The following MPHOSPH9 variants were observed in gnomAD, a reference collection of about 807,000 sequenced individuals.
MPHOSPH9 encodes M-phase phosphoprotein 9.
A neutral mutation model predicts 145.5 loss-of-function variants in MPHOSPH9; 88 were observed. The observed-to-expected ratio is 0.60, with a 90% CI of 0.51 to 0.72. The LOEUF (loss-of-function observed/expected upper bound fraction) is 0.72, where lower values mean the gene tolerates loss of function less well. MPHOSPH9 is among the 30% of genes least tolerant of loss of function. The pLI is 0.00. For synonymous variants in MPHOSPH9, 435 were observed against 486.2 expected (o/e 0.89, Z 1.39); for missense variants, 1,238 against 1,386.6 (o/e 0.89, Z 1.70).
upstream of MPHOSPH9, among the ~76,000 whole-genome samples, chr12:123,236,212 A>G (rs961913366): frequency 2.0e-5 from 3 of 152,236 alleles, no homozygotes; most frequent in African/African-American, 7.2e-5. Flanking sequence ...TGAAAACCTA[A>G]TGGTTTCCAA....
chr12:123,169,202 G>T (rs2044467006), intron 16 of MPHOSPH9, among the ~76,000 whole-genome samples: 1 of 148,482 alleles, frequency 6.7e-6, no homozygotes, highest in African/African-American at 2.5e-5. Flanking sequence ...TTTAAATTAA[G>T]AACTATTTCA....
intron 1 of MPHOSPH9, among the ~76,000 whole-genome samples, chr12:123,243,410 G>A (rs2047977098): frequency 6.6e-6 from 1 of 152,052 alleles, no homozygotes; most frequent in Non-Finnish European, 1.5e-5. Flanking sequence ...GATGCCTGTA[G>A]TCCCAGCTAC....
intron 15 of MPHOSPH9, 70 bp downstream of exon 15, chr12:123,179,853 CTCA>C: frequency 1.3e-6 from 1 of 771,930 alleles, no homozygotes; most frequent in Non-Finnish European, 2.0e-6. Flanking sequence ...AAACTTCCTT[CTCA>C]TCATGTTCAA....
At position 123,233,091 on chromosome 12, in the gene MPHOSPH9, C is replaced by A. The variant is rs1048470973; in HGVS notation, c.-175G>T. ...GCCGCTTACCTGGCCGCCGCTCCCG[C>A]TGCCGATGTCAGGGTCATGCAAGCG... is the stretch of plus-strand genomic sequence containing the variant. On this transcript the variant is annotated 5_prime_UTR_variant, in exon 1 of 24. Transcript: ENST00000606320. 1 of 152,326 alleles carries A rather than the reference C, an allele frequency of 6.6e-6. No homozygotes were observed. Among genetic ancestry groups the A allele is most frequent in the Non-Finnish European group, 1.5e-5 (1 of 68,120 alleles). The allele number at this position is 152,326 out of a possible 1,614,324, so 9.4% of individuals were successfully genotyped here.
intron 2 of MPHOSPH9, 121 bp downstream of exon 2, chr12:123,230,140 G>A: frequency 1.6e-6 from 1 of 639,034 alleles, no homozygotes; most frequent in Non-Finnish European, 2.6e-6. Flanking sequence ...CATTCTTGAT[G>A]ATAGGTTAAA....
downstream of MPHOSPH9, chr12:123,152,443 C>A: frequency 2.6e-6 from 1 of 384,954 alleles, no homozygotes. Context: ...ACAACTGCAG[C>A]AAGCACTTGT....
chr12:123,158,163 T>A (rs2043951496), intron 23 of MPHOSPH9, among the ~76,000 whole-genome samples: 1 of 152,082 alleles, frequency 6.6e-6, no homozygotes, highest in African/African-American at 2.4e-5. Flanking sequence ...CTCATTTTCA[T>A]ATTTTTAGTA....
At chr12:123,182,261 G>GT (rs532750226) in intron 13 of MPHOSPH9, among the ~76,000 whole-genome samples, 13,628 of 61,678 alleles carry the variant, frequency 0.22, 843 homozygotes, top group East Asian at 0.55. Context: ...TTTTTTTTTT[G>GT]TTTTTTTTTT....
chr12:123,156,856 C>G lies in MPHOSPH9; in HGVS notation c.3503G>C (p.Arg1168Pro), dbSNP rs758488639. The change falls in exon 24 of 24, where the codon CGC (arginine) becomes CCC (proline). Residue 1168 changes from arginine (R) to proline (P), a missense_variant. This residue lies in a region of MPHOSPH9 where 393 missense variants were observed against 462.5 expected (regional missense o/e 0.85). Coordinates refer to ENST00000606320, the MANE Select transcript of MPHOSPH9 (RefSeq NM_022782.4). The part of the protein sequence containing the change: ...ERINRELGSV[R>P]MTLKKFHVLR... The stretch of plus-strand genomic sequence containing the variant: ...AACATGGAATTTCTTTAGCGTCATG[C>G]GAACTGAACCCAGTTCTCGATTAAT... The G allele has an allele frequency of 6.2e-7, 1 of 1,611,732 alleles. No homozygotes were observed. The highest frequency in any genetic ancestry group is 1.3e-5 in the African/African-American group (1 of 74,880).
At chr12:123,179,862 T>C (rs1754993079) in intron 15 of MPHOSPH9, 64 bp downstream of exon 15, 15 of 881,918 alleles carry the variant, frequency 1.7e-5, no homozygotes, top group Non-Finnish European at 2.4e-5. Context: ...TCTCATCATG[T>C]TCAATACAGA....
chr12:123,241,773 A>T (rs1054856871), intron 1 of MPHOSPH9, among the ~76,000 whole-genome samples: 5 of 152,232 alleles, frequency 3.3e-5, no homozygotes, highest in African/African-American at 1.2e-4. Context: ...CTCCGGCCAC[A>T]GGCCTTGTTG....
At chr12:123,176,812 A>G (rs376242873) in intron 15 of MPHOSPH9, 23 bp from the exon 16 acceptor site, 1 of 1,542,032 alleles carries the variant, frequency 6.5e-7, no homozygotes, top group Non-Finnish European at 9.0e-7. Flanking sequence ...CAATAAAGAT[A>G]AATTAAGTAC....
At chr12:123,237,084 A>G (rs899501334), upstream of MPHOSPH9, among the ~76,000 whole-genome samples, 2 of 147,760 alleles carry the variant, frequency 1.4e-5, no homozygotes, top group African/African-American at 4.9e-5. Flanking sequence ...GACTCCGGCT[A>G]AAAAAAAAAA....
In MPHOSPH9 at chr12:123,159,196, G is replaced by A. The variant is rs1013887974; in HGVS notation, c.3450+1585C>T. On this transcript the variant is annotated intron_variant, in intron 23 of 23. Coordinates refer to ENST00000606320, the MANE Select transcript of MPHOSPH9 (RefSeq NM_022782.4). This position sits in a 1 kb window ranked among gnomAD's most constrained non-coding sequence, Gnocchi z 4.3. ...TATTCTTTTTCAGAGACGGAGTCTT[G>A]CTCTGTCACCCAGGCCGAGTGCAGT... is the stretch of plus-strand genomic sequence containing the variant. 3.3e-5 allele frequency among the ~76,000 whole-genome samples: 5 copies of A among 152,030 alleles called. No individual in the cohort carries two copies. Among genetic ancestry groups the A allele is most frequent in the Non-Finnish European group, 7.4e-5 (5 of 68,012 alleles).
intron 13 of MPHOSPH9, among the ~76,000 whole-genome samples, chr12:123,182,263 T>TC (rs778501602): frequency 0.39 from 31,939 of 81,526 alleles, 4,790 homozygotes; most frequent in Non-Finnish European, 0.52. Context: ...TTTTTTTTGT[T>TC]TTTTTTTTTT....
chr12:123,182,683 G>A (rs1411546587), intron 13 of MPHOSPH9, among the ~76,000 whole-genome samples: 34 of 148,606 alleles, frequency 2.3e-4, no homozygotes, highest in Middle Eastern at 3.8e-3. Context: ...AGGCCAAGGT[G>A]GGTGGATCAC....
At chr12:123,205,284 G>A (rs553320689) in intron 8 of MPHOSPH9, among the ~76,000 whole-genome samples, 11 of 152,248 alleles carry the variant, frequency 7.2e-5, no homozygotes, top group Admixed American at 2.0e-4. Flanking sequence ...GGTGGCTCAC[G>A]CCTGTAATCC....
chr12:123,218,212 A>AT, intron 6 of MPHOSPH9, among the ~76,000 whole-genome samples, 164 bp downstream of exon 6: 1 of 152,072 alleles, frequency 6.6e-6, no homozygotes, highest in Non-Finnish European at 1.5e-5. Context: ...AGTCTGGGCC[A>AT]TAAGAGCGAA....
chr12:123,177,541 A>C (rs966496859), intron 15 of MPHOSPH9, among the ~76,000 whole-genome samples: 3 of 151,914 alleles, frequency 2.0e-5, no homozygotes, highest in Non-Finnish European at 4.4e-5. Flanking sequence ...GTCTCAAAAA[A>C]AAAATAAAAG....
Sources: allele counts gnomAD v4.1 joint callset (sites outside exome capture counted in the v4.1 genomes callset), GRCh38; gene constraint gnomAD v4.1.1; regional missense constraint gnomAD v4.1.1; non-coding constraint Gnocchi (gnomAD v3.1); transcripts MANE v1.5; gene names NCBI Gene and HGNC (gene_info 2026-07-23, HGNC 2026-07-21).